SLC16A7: variants seen among roughly 807,000 people sequenced by gnomAD.
SLC16A7 encodes solute carrier family 16 member 7.
Under a neutral mutation model 34.9 loss-of-function variants are expected in SLC16A7, and 33 were observed. The ratio of observed to expected loss-of-function variants is 0.94; its 90% CI spans 0.72 to 1.26. The LOEUF is 1.26. SLC16A7 is among the 50% of genes most tolerant of loss of function. The probability of loss-of-function intolerance (pLI) is 0.00; values close to 1 mark genes in which losing one functional copy is unlikely to be tolerated. For synonymous variants in SLC16A7, 201 were observed against 206.6 expected (o/e 0.97, Z 0.23); for missense variants, 573 against 578.1 (o/e 0.99, Z 0.09).
chr12:59,621,287 T>A (rs952571192), intron 1 of SLC16A7, among the ~76,000 whole-genome samples: 28 of 151,898 alleles, frequency 1.8e-4, no homozygotes, highest in African/African-American at 6.3e-4. Context: ...TCTTCTTTCC[T>A]GGATAGAGCA....
intron 3 of SLC16A7, among the ~76,000 whole-genome samples, chr12:59,734,647 G>A (rs1216972593): frequency 1.3e-5 from 2 of 152,266 alleles, no homozygotes; most frequent in Non-Finnish European, 2.9e-5. Context: ...CCCCACTGCA[G>A]CATCTGCCTT....
At chr12:59,732,013 A>G (rs1877005755) in intron 3 of SLC16A7, among the ~76,000 whole-genome samples, 1 of 152,144 alleles carries the variant, frequency 6.6e-6, no homozygotes, top group African/African-American at 2.4e-5. Flanking sequence ...TGAATGGGAT[A>G]AACAAAAGTG....
Position 59,780,790 on chromosome 12 carries a change from G to C in SLC16A7, c.*1111G>C, listed in dbSNP as rs1348863778. On this transcript the variant is annotated 3_prime_UTR_variant, in exon 6 of 6. Transcript: ENST00000547379. Reference sequence around the variant, plus strand: ...ACTCCATCTGACTACGACTAAGAGAGTGAGGGGTGGTTTTAATGAACCCTC... The same window carrying C: ...ACTCCATCTGACTACGACTAAGAGACTGAGGGGTGGTTTTAATGAACCCTC... 1 of 152,114 alleles carries C rather than the reference G, an allele frequency of 6.6e-6. No individual in the cohort carries two copies. Among genetic ancestry groups the C allele is most frequent in the Non-Finnish European group, 1.5e-5 (1 of 68,000 alleles). The allele number at this position is 152,114 out of a possible 1,614,324, so 9.4% of individuals were successfully genotyped here. A position where few individuals can be genotyped will look rare whatever the true frequency, so the allele number is the denominator to read the frequency against.
rs778512684 is a variant in SLC16A7, at chr12:59,775,164, C to T, written c.869C>T (p.Ala290Val). The change falls in exon 5 of 6, where the codon GCT becomes GTT. Residue 290 changes from alanine (A) to valine (V), a missense_variant. Physicochemically the swap from Ala to Val is moderately conservative, Grantham distance 64. Transcript: ENST00000547379. ...YSAAFLLSVM[A>V]FVDMFARPSV... Reference sequence around the variant, plus strand: ...GCAGCTTTTCTGCTATCTGTTATGGCTTTCGTTGATATGTTTGCTAGGCCT... The same window carrying T: ...GCAGCTTTTCTGCTATCTGTTATGGTTTTCGTTGATATGTTTGCTAGGCCT... The T allele has an allele frequency of 3.7e-6, 6 of 1,614,068 alleles. No individual in the cohort carries two copies. The South Asian group carries it at 4.4e-5, about 12-fold the overall frequency.
At position 59,659,874 on chromosome 12, in the gene SLC16A7, T is replaced by C. The variant is rs948328420; in HGVS notation, c.-31+4624T>C. On this transcript the variant is annotated intron_variant, in intron 2 of 5. Coordinates refer to ENST00000547379, the MANE Select transcript of SLC16A7 (RefSeq NM_001270623.2). The stretch of plus-strand genomic sequence containing the variant: ...TTTTCTTGAAAATTCAGCAATCAGA[T>C]GTGGAATGGATCGAAGTGTTATTTT... Among the ~76,000 whole-genome samples, 19 of 152,192 alleles carry C rather than the reference T, an allele frequency of 1.2e-4. No individual in the cohort carries two copies. The South Asian group carries it at 3.3e-3, about 27-fold the overall frequency.
chr12:59,609,919 G>T (rs889284558), intron 1 of SLC16A7, among the ~76,000 whole-genome samples: 16 of 152,146 alleles, frequency 1.1e-4, no homozygotes, highest in African/African-American at 3.9e-4. Flanking sequence ...GGTGCTAAGT[G>T]TGTGCCAAAC....
chr12:59,651,711 C>T (rs1216223365), intron 1 of SLC16A7, among the ~76,000 whole-genome samples: 2 of 152,122 alleles, frequency 1.3e-5, no homozygotes, highest in Non-Finnish European at 2.9e-5. Flanking sequence ...CATTCTTCAA[C>T]CTTGAGTTAG....
intron 5 of SLC16A7, among the ~76,000 whole-genome samples, chr12:59,776,297 T>C (rs1240392017): frequency 1.3e-5 from 2 of 152,220 alleles, no homozygotes; most frequent in Admixed American, 6.6e-5. Context: ...ATTTTATAGT[T>C]TCCTTCTGAA....
At chr12:59,761,429 A>G (rs746944998) in intron 3 of SLC16A7, among the ~76,000 whole-genome samples, 11 of 152,102 alleles carry the variant, frequency 7.2e-5, no homozygotes, top group Non-Finnish European at 1.2e-4. Context: ...GTAATTTGTT[A>G]TACAAAGAGT....
At chr12:59,602,870 A>G (rs375232201) in intron 1 of SLC16A7, among the ~76,000 whole-genome samples, 1 of 152,104 alleles carries the variant, frequency 6.6e-6, no homozygotes, top group East Asian at 1.9e-4. Flanking sequence ...AATAACTCCC[A>G]AGCCATTTGC....
chr12:59,648,413 G>T (rs1017506671), intron 1 of SLC16A7, among the ~76,000 whole-genome samples: 1 of 152,154 alleles, frequency 6.6e-6, no homozygotes, highest in East Asian at 1.9e-4. Flanking sequence ...TATTTATTGA[G>T]TACATATGAT....
intron 3 of SLC16A7, among the ~76,000 whole-genome samples, chr12:59,719,020 G>C (rs571317215): frequency 1.3e-5 from 2 of 152,082 alleles, no homozygotes; most frequent in Non-Finnish European, 2.9e-5. Flanking sequence ...TCACATGTGA[G>C]AATGTATAAA....
intron 1 of SLC16A7, among the ~76,000 whole-genome samples, chr12:59,622,894 C>T (rs1182279787): frequency 6.6e-6 from 1 of 151,504 alleles, no homozygotes; most frequent in African/African-American, 2.4e-5. Context: ...TAATTCAGCT[C>T]CAGCTTTGTT....
At chr12:59,699,315 T>C (rs2137121398) in intron 2 of SLC16A7, among the ~76,000 whole-genome samples, 1 of 151,792 alleles carries the variant, frequency 6.6e-6, no homozygotes. Context: ...AAAGAACTGA[T>C]ATTTAAAGAA....
At chr12:59,681,549 C>G (rs1045421694) in intron 2 of SLC16A7, among the ~76,000 whole-genome samples, 39 of 151,980 alleles carry the variant, frequency 2.6e-4, no homozygotes, top group African/African-American at 9.2e-4. Context: ...TTTTTCCTAA[C>G]CAAATTATTT....
intron 3 of SLC16A7, among the ~76,000 whole-genome samples, chr12:59,764,325 T>C (rs1352474402): frequency 6.6e-6 from 1 of 152,136 alleles, no homozygotes; most frequent in Admixed American, 6.6e-5. Flanking sequence ...TACATTTTTT[T>C]GTTTTTGTTT....
intron 3 of SLC16A7, among the ~76,000 whole-genome samples, chr12:59,758,615 G>A (rs1409568880): frequency 6.6e-6 from 1 of 152,036 alleles, no homozygotes; most frequent in African/African-American, 2.4e-5. Context: ...AATGTGAATG[G>A]AATCATAATG....
At chr12:59,618,517 T>C (rs1270327880) in intron 1 of SLC16A7, among the ~76,000 whole-genome samples, 1 of 151,990 alleles carries the variant, frequency 6.6e-6, no homozygotes, top group Admixed American at 6.6e-5. Context: ...GCCAATCTGC[T>C]GAAATAGCTG....
At position 59,774,694 on chromosome 12, in the gene SLC16A7, C is replaced by T. The variant is rs1306026979; in HGVS notation, c.399C>T (p.Thr133=). Residue 133 remains threonine, a synonymous_variant, in exon 5 of 6, where the codon ACC becomes ACT. Transcript: ENST00000547379. The part of the protein sequence containing the change: ...GLAFNLQPAL[T]IIGKYFYRKR... Reference sequence around the variant, plus strand: ...CCTTCAACCTGCAACCCGCCTTAACCATAATTGGCAAATACTTCTATAGGA... The same window carrying T: ...CCTTCAACCTGCAACCCGCCTTAACTATAATTGGCAAATACTTCTATAGGA... The T allele has an allele frequency of 8.7e-6, 14 of 1,602,428 alleles. No individual in the cohort carries two copies. Among genetic ancestry groups the T allele is most frequent in the Non-Finnish European group, 1.1e-5 (13 of 1,176,268 alleles).
Sources: allele counts gnomAD v4.1 joint callset (sites outside exome capture counted in the v4.1 genomes callset), GRCh38; gene constraint gnomAD v4.1.1; transcripts MANE v1.5; gene names NCBI Gene and HGNC (gene_info 2026-07-23, HGNC 2026-07-21).